Variants in BTAF1 observed in about 807,000 individuals in gnomAD.
BTAF1 encodes the protein B-TFIID TATA-box binding protein associated factor 1.
BTAF1 carries 38 observed loss-of-function variants against 227.1 expected under a neutral mutation model. The ratio of observed to expected loss-of-function variants is 0.17; its 90% CI spans 0.13 to 0.22. The LOEUF (loss-of-function observed/expected upper bound fraction) is 0.22. BTAF1 is among the 10% of genes least tolerant of loss of function. The pLI is 1.00. For synonymous variants in BTAF1, 742 were observed against 751.9 expected (o/e 0.99, Z 0.21); for missense variants, 1,598 against 2,204.0 (o/e 0.73, Z 5.51).
At chr10:91,949,424 C>G (rs1381173071) in intron 4 of BTAF1, among the ~76,000 whole-genome samples, 1 of 152,144 alleles carries the variant, frequency 6.6e-6, no homozygotes, top group Non-Finnish European at 1.5e-5. Flanking sequence ...ATTTTCTTTT[C>G]TTTGCTTTTA....
intron 25 of BTAF1, among the ~76,000 whole-genome samples, chr10:92,001,312 C>T (rs1448905114): frequency 1.3e-5 from 2 of 152,178 alleles, no homozygotes; most frequent in Non-Finnish European, 1.5e-5. Context: ...CAGGGGGGTT[C>T]TCCCAAGCCT....
chr10:91,977,952 C>T (rs1847803736), intron 14 of BTAF1, among the ~76,000 whole-genome samples: 1 of 152,182 alleles, frequency 6.6e-6, no homozygotes, highest in Non-Finnish European at 1.5e-5. Flanking sequence ...GCCTCCCCCA[C>T]CATCAGTATT....
chr10:92,007,143 C>A (rs1388922407), intron 25 of BTAF1, among the ~76,000 whole-genome samples: 1 of 140,454 alleles, frequency 7.1e-6, no homozygotes, highest in Non-Finnish European at 1.5e-5. Context: ...TTAAAAAAGA[C>A]ATGCATTAAA....
At chr10:91,935,593 G>T in intron 1 of BTAF1, 64 bp from the exon 2 acceptor site, 1 of 1,561,982 alleles carries the variant, frequency 6.4e-7, no homozygotes, top group South Asian at 1.2e-5. Flanking sequence ...TACGTTTATT[G>T]ACTTAAACTT....
rs753442255 is a variant in BTAF1, at chr10:91,984,355, G to T, written c.2378G>T (p.Gly793Val). The change falls in exon 19 of 38, where the codon GGT becomes GTT. Residue 793 changes from glycine to valine, a missense_variant. By Grantham distance (109) the Gly-to-Val change is moderately radical (BLOSUM62 -3). Around this residue, in one of 10 missense-constraint regions of BTAF1, gnomAD observed 318 missense variants for 435.0 expected, o/e 0.73. Coordinates refer to ENST00000265990, the MANE Select transcript of BTAF1 (RefSeq NM_003972.3). ...SSLADVHIEV[G>V]NRVNNNVLTI... ...TTAGCTGATGTACATATTGAAGTTGGTAATCGAGTAAACAACAATGTTTTA... is the reference window on the plus strand; with the variant it reads ...TTAGCTGATGTACATATTGAAGTTGTTAATCGAGTAAACAACAATGTTTTA... The T allele has an allele frequency of 2.5e-6, 4 of 1,613,052 alleles. No individual in the cohort carries two copies. The East Asian group carries it at 8.9e-5, about 36-fold the overall frequency.
At chr10:92,017,097 CAG>C (rs1165401801) in intron 33 of BTAF1, among the ~76,000 whole-genome samples, 1 of 152,130 alleles carries the variant, frequency 6.6e-6, no homozygotes, top group African/African-American at 2.4e-5. Flanking sequence ...GCAGATAAAA[CAG>C]ACTCCTTCCC....
chr10:91,975,152 C>T (rs1464854283), intron 14 of BTAF1, among the ~76,000 whole-genome samples: 2 of 152,174 alleles, frequency 1.3e-5, no homozygotes, highest in Non-Finnish European at 2.9e-5. Flanking sequence ...ACTGGGTCAA[C>T]TTTTCCATTC....
At position 91,989,450 on chromosome 10, in the gene BTAF1, CACA is replaced by C. The variant is rs774353147; in HGVS notation, c.2729_2731del (p.Thr910del). The C allele has an allele frequency of 2.5e-6, 4 of 1,614,132 alleles. No individual in the cohort carries two copies. Among genetic ancestry groups the C allele is most frequent in the Admixed American group, 1.7e-5 (1 of 60,024 alleles). On this transcript the variant is annotated inframe_deletion, in exon 20 of 38. Transcript: ENST00000265990. The stretch of plus-strand genomic sequence containing the variant: ...GCATAGCTAAACTCCTTCAGCAGTG[CACA>C]ACAAGGACGCCCTGTCCCAATTCAA...
chr10:91,939,419 C>T (rs973400222), intron 2 of BTAF1, among the ~76,000 whole-genome samples: 31 of 152,232 alleles, frequency 2.0e-4, no homozygotes, highest in African/African-American at 7.5e-4. Flanking sequence ...TTAAAATGCA[C>T]TTAAACATTC....
Position 92,028,891 on chromosome 10 carries a change from T to G in BTAF1, c.5508T>G (p.Asp1836Glu). ...ATCTTTGGGATCAAGAGCAGTATGA[T>G]TCAGAGTACAGCCTGGAAAATTTTA... ...LSDLWDQEQY[D>E]SEYSLENFMH... The change falls in exon 38 of 38, where the codon GAT becomes GAG. Residue 1836 changes from aspartate to glutamate, a missense_variant. Asp to Glu is a conservative substitution (Grantham distance 45). Coordinates refer to ENST00000265990, the MANE Select transcript of BTAF1 (RefSeq NM_003972.3). 6.2e-7 allele frequency: 1 copy of G among 1,602,680 alleles called. No individual in the cohort carries two copies. The highest frequency in any genetic ancestry group is 8.5e-7 in the Non-Finnish European group (1 of 1,176,308).
chr10:92,011,251 A>C, intron 29 of BTAF1, 35 bp from the exon 30 acceptor site: 2 of 1,501,864 alleles, frequency 1.3e-6, no homozygotes, highest in Non-Finnish European at 1.8e-6. Flanking sequence ...GACATACAGC[A>C]AAAGTTGTAA....
Position 91,923,859 on chromosome 10 carries a change from CTACCG to C in BTAF1, c.-216_-212del. 2.1e-6 allele frequency: 1 copy of C among 470,328 alleles called. No homozygotes were observed. The allele number at this position is 470,328 out of a possible 1,614,324, so 29.1% of individuals were successfully genotyped here. Reference sequence around the variant, plus strand: ...GCGGGTCGGAGGACTGCCGCCTCCGCTACCGTCTTGGACCCCTGCTTACCGGCCGC... The same window carrying C: ...GCGGGTCGGAGGACTGCCGCCTCCGCTCTTGGACCCCTGCTTACCGGCCGC... On this transcript the variant is annotated 5_prime_UTR_variant, in exon 1 of 38. Transcript: ENST00000265990.
In BTAF1 at chr10:92,013,748, T is replaced by C; in HGVS notation, c.4393T>C (p.Tyr1465His). Residue 1465 changes from tyrosine (Y) to histidine (H), a missense_variant, in exon 31 of 38, where the codon TAT (tyrosine) becomes CAT (histidine). Coordinates refer to ENST00000265990, the MANE Select transcript of BTAF1 (RefSeq NM_003972.3). ...TACTGAACGCCAGTTTGCTGCTCGA[T>C]ATGGTAAACCTATATTAGCAAGTAG... Reference protein sequence around the residue: ...LGTERQFAARYGKPILASRDA... With the variant: ...LGTERQFAARHGKPILASRDA... The C allele has an allele frequency of 6.2e-7, 1 of 1,614,100 alleles. No individual in the cohort carries two copies. The highest frequency in any genetic ancestry group is 8.5e-7 in the Non-Finnish European group (1 of 1,180,030).
intron 13 of BTAF1, 28 bp downstream of exon 13, chr10:91,964,229 G>A (rs770951086): frequency 1.2e-6 from 2 of 1,603,032 alleles, no homozygotes; most frequent in East Asian, 2.2e-5. Context: ...GTGGAATAAA[G>A]TAAAAAGTCT....
intron 16 of BTAF1, 103 bp downstream of exon 16, chr10:91,981,895 A>C (rs763862091): frequency 2.9e-6 from 4 of 1,388,400 alleles, no homozygotes; most frequent in Non-Finnish European, 3.8e-6. Flanking sequence ...TGATTTAATT[A>C]ACATAAGTAA....
intron 20 of BTAF1, among the ~76,000 whole-genome samples, chr10:91,991,280 A>ATG (rs1489378817): frequency 1.2e-5 from 1 of 81,888 alleles, no homozygotes; most frequent in Non-Finnish European, 3.3e-5. Context: ...AAATATATAT[A>ATG]TATATATATA....
chr10:91,959,042 A>G, intron 8 of BTAF1, 23 bp from the exon 9 acceptor site: 6 of 1,600,906 alleles, frequency 3.7e-6, no homozygotes, highest in Non-Finnish European at 4.3e-6. Flanking sequence ...AACATCTGAC[A>G]TTTGCTTCTT....
At chr10:91,945,174 G>T (rs939197683) in intron 4 of BTAF1, among the ~76,000 whole-genome samples, 3 of 147,576 alleles carry the variant, frequency 2.0e-5, no homozygotes, top group Non-Finnish European at 3.0e-5. Context: ...TTTTGTGGTG[G>T]TTTTTTTTTT....
At chr10:91,971,761 C>T (rs188399121) in intron 14 of BTAF1, among the ~76,000 whole-genome samples, 4 of 152,184 alleles carry the variant, frequency 2.6e-5, no homozygotes, top group East Asian at 1.9e-4. Flanking sequence ...CATGAGCCAC[C>T]GTGCCCAGCC....
Sources: allele counts gnomAD v4.1 joint callset (sites outside exome capture counted in the v4.1 genomes callset), GRCh38; gene constraint gnomAD v4.1.1; regional missense constraint gnomAD v4.1.1; transcripts MANE v1.5; gene names NCBI Gene and HGNC (gene_info 2026-07-23, HGNC 2026-07-21).